The following RFX7 variants were observed in gnomAD, a reference collection of about 807,000 sequenced individuals.
RFX7 encodes DNA-binding protein RFX7.
In RFX7, 26 loss-of-function variants were observed where a neutral mutation model predicts 111.8. The ratio of observed to expected loss-of-function variants is 0.23; its 90% CI spans 0.17 to 0.32. The LOEUF (loss-of-function observed/expected upper bound fraction) is 0.32, where lower values mean the gene tolerates loss of function less well. Ranked by LOEUF, RFX7 falls within the 10% of genes least tolerant of loss-of-function variation. The pLI, the probability that RFX7 is intolerant of heterozygous loss-of-function variation, is 1.00. For missense variants in RFX7, 1,573 were observed against 1,772.9 expected (o/e 0.89, Z 2.02); for synonymous variants, 624 against 624.4 (o/e 1.00, Z 0.01).
intron 2 of RFX7, 57 bp downstream of exon 2, chr15:56,243,068 C>CCG: frequency 8.0e-7 from 1 of 1,245,086 alleles, no homozygotes. Context: ...CCCCCACCCA[C>CCG]TTTGCAGCAG....
At chr15:56,211,911 G>C (rs1184050952) in intron 2 of RFX7, among the ~76,000 whole-genome samples, 1 of 152,036 alleles carries the variant, frequency 6.6e-6, no homozygotes, top group Non-Finnish European at 1.5e-5. Context: ...ACCAGAGCTC[G>C]CATTCACTGC....
At chr15:56,139,667 G>A (rs373693445) in intron 5 of RFX7, among the ~76,000 whole-genome samples, 25 of 152,316 alleles carry the variant, frequency 1.6e-4, no homozygotes, top group African/African-American at 5.5e-4. Context: ...GAGGAACTGC[G>A]TTCCTTTGGA....
rs1232553757 is a variant in RFX7, at chr15:56,093,444, T to C, written c.4284A>G (p.Leu1428=). Reference sequence around the variant, plus strand: ...TGGATTCACTGCAAATTTGTTGAAATAATGGGTCATTCTTTAATTCTTCCA... The same window carrying C: ...TGGATTCACTGCAAATTTGTTGAAACAATGGGTCATTCTTTAATTCTTCCA... ...ATLEELKNDP[L]FQQICSESMN... Residue 1428 remains leucine, a synonymous_variant, in exon 10 of 10, where the codon TTA becomes TTG. Transcript: ENST00000559447. 6.2e-7 allele frequency: 1 copy of C among 1,613,740 alleles called. No individual in the cohort carries two copies. Among genetic ancestry groups the C allele is most frequent in the African/African-American group, 1.3e-5 (1 of 74,928 alleles).
At chr15:56,141,948 T>C (rs1474933511) in intron 5 of RFX7, among the ~76,000 whole-genome samples, 1 of 152,046 alleles carries the variant, frequency 6.6e-6, no homozygotes, top group African/African-American at 2.4e-5. Flanking sequence ...TAGTAAGAAC[T>C]GTGAATAGAT....
intron 2 of RFX7, among the ~76,000 whole-genome samples, chr15:56,180,097 C>T (rs1228351694): frequency 6.6e-6 from 1 of 152,090 alleles, no homozygotes; most frequent in Non-Finnish European, 1.5e-5. Flanking sequence ...TACACACAAT[C>T]TTTAAAAGAT....
chr15:56,197,121 A>T (rs1353109744), intron 2 of RFX7, among the ~76,000 whole-genome samples: 1 of 152,108 alleles, frequency 6.6e-6, no homozygotes, highest in Non-Finnish European at 1.5e-5. Context: ...CATTTTTTTT[A>T]ATCAGTGATG....
intron 2 of RFX7, among the ~76,000 whole-genome samples, chr15:56,180,713 T>A (rs569568277): frequency 3.9e-4 from 58 of 147,966 alleles, no homozygotes; most frequent in African/African-American, 1.5e-3. Flanking sequence ...CGAGACCAGC[T>A]TGGGCAACAC....
chr15:56,243,063 A>T, intron 2 of RFX7, 62 bp downstream of exon 2: 1 of 543,634 alleles, frequency 1.8e-6, no homozygotes, highest in Non-Finnish European at 3.1e-6. Context: ...GCCGCCCCCC[A>T]CCCACTTTGC....
At position 56,103,676 on chromosome 15, in the gene RFX7, AAAG is replaced by A; in HGVS notation, c.402-9_402-7del. ...CAAGATTGTCACAATAGCTCCTGCA[AAAG>A]AAGGAAGGACCAATTTAGAGTGACA... On this transcript the variant is annotated splice_region_variant and splice_polypyrimidine_tract_variant and intron_variant, in intron 5 of 9. Coordinates refer to ENST00000559447, the MANE Select transcript of RFX7 (RefSeq NM_022841.7). 1 of 1,559,036 alleles carries A rather than the reference AAAG, an allele frequency of 6.4e-7. No individual in the cohort carries two copies.
intron 6 of RFX7, among the ~76,000 whole-genome samples, chr15:56,102,725 C>T (rs1483318783): frequency 6.6e-6 from 1 of 152,186 alleles, no homozygotes; most frequent in Non-Finnish European, 1.5e-5. Flanking sequence ...GCCAAAGACA[C>T]ATCAAAACAT....
intron 5 of RFX7, among the ~76,000 whole-genome samples, chr15:56,107,340 T>G (rs61500930): frequency 6.8e-6 from 1 of 148,120 alleles, no homozygotes; most frequent in Non-Finnish European, 1.5e-5. Flanking sequence ...GAATTGTTTT[T>G]TTTTTTCTCT....
chr15:56,186,459 C>A (rs1298554136), intron 2 of RFX7, among the ~76,000 whole-genome samples: 1 of 152,062 alleles, frequency 6.6e-6, no homozygotes, highest in Non-Finnish European at 1.5e-5. Flanking sequence ...ATTTCTCTTT[C>A]TTGATTTGAA....
chr15:56,165,672 C>T (rs2042773733), intron 3 of RFX7, among the ~76,000 whole-genome samples: 1 of 152,146 alleles, frequency 6.6e-6, no homozygotes, highest in African/African-American at 2.4e-5. Context: ...CATAGCATGG[C>T]CTGTAAAGCA....
intron 7 of RFX7, among the ~76,000 whole-genome samples, chr15:56,101,961 CAGTA>C (rs1237261093): frequency 2.0e-5 from 3 of 152,134 alleles, no homozygotes; most frequent in Non-Finnish European, 4.4e-5. Context: ...ATCGAGAAAT[CAGTA>C]ACTTCTAAAC....
chr15:56,178,716 C>A (rs1286564706), intron 3 of RFX7, among the ~76,000 whole-genome samples: 1 of 152,178 alleles, frequency 6.6e-6, no homozygotes, highest in African/African-American at 2.4e-5. Flanking sequence ...CTAACACAAT[C>A]TAAATTTAAA....
intron 5 of RFX7, among the ~76,000 whole-genome samples, chr15:56,112,364 T>TA (rs1167581503): frequency 6.8e-5 from 1 of 14,796 alleles, no homozygotes; most frequent in Non-Finnish European, 1.5e-4. Context: ...GAATAAAAAA[T>TA]ATCAGAGTAC....
chr15:56,194,804 A>G (rs2043132154), intron 2 of RFX7, among the ~76,000 whole-genome samples: 1 of 152,172 alleles, frequency 6.6e-6, no homozygotes. Flanking sequence ...GAATCCTTGC[A>G]CATTGCTTGT....
rs2041645933 is a variant in RFX7 at position 56,094,653 on chromosome 15, T to C, written c.3075A>G (p.Ala1025=). 1 of 1,613,798 alleles carries C rather than the reference T, an allele frequency of 6.2e-7. No homozygotes were observed. The highest frequency in any genetic ancestry group is 1.1e-5 in the South Asian group (1 of 91,088). Reference sequence around the variant, plus strand: ...CCATACTGGAGCTTATTGGAGTGAATGCAAACGGATTCCTGCATTCAACAG... The same window carrying C: ...CCATACTGGAGCTTATTGGAGTGAACGCAAACGGATTCCTGCATTCAACAG... ...PSPVECRNPF[A]FTPISSSMAY... is the part of the protein sequence containing the mutation. The change falls in exon 10 of 10, where the codon GCA becomes GCG. Residue 1025 remains alanine (A), a synonymous_variant. Transcript: ENST00000559447.
intron 3 of RFX7, among the ~76,000 whole-genome samples, chr15:56,152,176 T>A (rs140999459): frequency 7.1e-4 from 108 of 152,310 alleles, no homozygotes; most frequent in African/African-American, 2.5e-3. Flanking sequence ...TATTCAGGAC[T>A]TGAACTCGGC....
Sources: allele counts gnomAD v4.1 joint callset (sites outside exome capture counted in the v4.1 genomes callset), GRCh38; gene constraint gnomAD v4.1.1; transcripts MANE v1.5; gene names NCBI Gene and HGNC (gene_info 2026-07-23, HGNC 2026-07-21).